Variants in ZFP91 observed in about 807,000 individuals in gnomAD.
ZFP91 encodes the protein ZFP91 zinc finger protein, atypical E3 ubiquitin ligase, also known as E3 ubiquitin-protein ligase ZFP91.
In ZFP91, 7 loss-of-function variants were observed where a neutral mutation model predicts 63.5. That is an observed-to-expected ratio of 0.11 (90% CI 0.06 to 0.21). The LOEUF is 0.21. ZFP91 is among the 10% of genes least tolerant of loss of function. The pLI, the probability that ZFP91 is intolerant of heterozygous loss-of-function variation, is 1.00. For missense variants in ZFP91, 628 were observed against 736.6 expected, an observed-to-expected ratio of 0.85 and a Z score of 1.71; for synonymous variants, 330 against 272.1, an observed-to-expected ratio of 1.21 and a Z score of -2.10.
At chr11:58,599,094 T>C (rs550052314) in intron 2 of ZFP91, among the ~76,000 whole-genome samples, 1 of 151,934 alleles carries the variant, frequency 6.6e-6, no homozygotes, top group Admixed American at 6.5e-5. Context: ...ATCTATCATA[T>C]AGCATATTTT....
chr11:58,591,866 A>G (rs956404980), intron 2 of ZFP91, among the ~76,000 whole-genome samples: 1 of 152,054 alleles, frequency 6.6e-6, no homozygotes, highest in African/African-American at 2.4e-5. Context: ...TGATCACCCC[A>G]GGGAATGGTG....
intron 1 of ZFP91, among the ~76,000 whole-genome samples, chr11:58,583,718 G>A (rs556440664): frequency 6.6e-6 from 1 of 152,042 alleles, no homozygotes; most frequent in Admixed American, 6.5e-5. Flanking sequence ...GTGTTAATTG[G>A]GACATTGGTA....
chr11:58,606,101 G>C (rs555931507), intron 2 of ZFP91, among the ~76,000 whole-genome samples: 1 of 151,658 alleles, frequency 6.6e-6, no homozygotes, highest in African/African-American at 2.4e-5. Flanking sequence ...CACTCTTGTC[G>C]CCTATGCTGG....
At chr11:58,610,531 A>G (rs1430906813) in intron 4 of ZFP91, among the ~76,000 whole-genome samples, 197 bp downstream of exon 4, 3 of 152,222 alleles carry the variant, frequency 2.0e-5, no homozygotes, top group Admixed American at 6.5e-5. Context: ...TAGCTTAGAA[A>G]TCATGTCTTG....
intron 2 of ZFP91, among the ~76,000 whole-genome samples, chr11:58,593,210 A>G (rs979029663): frequency 2.6e-5 from 4 of 152,144 alleles, no homozygotes; most frequent in Admixed American, 6.5e-5. Context: ...CACAGTTGCT[A>G]AGTTGGTGTG....
At chr11:58,612,154 GTATTCTTGGT>G in intron 6 of ZFP91, 114 bp from the exon 7 acceptor site, 1 of 921,316 alleles carries the variant, frequency 1.1e-6, no homozygotes, top group South Asian at 1.7e-5. Context: ...TTGACTTTAT[GTATTCTTGGT>G]TATCCTTTGC....
rs558457940 is a variant in ZFP91, at chr11:58,601,727, A to G, written c.371-8103A>G. On this transcript the variant is annotated intron_variant, in intron 2 of 10. Transcript: ENST00000316059. The stretch of plus-strand genomic sequence containing the variant: ...TTTGTTTTCATTTTCAGTCATCTCT[A>G]AGTATTTTGTAATTTTCCTTGTGAT... Among the ~76,000 whole-genome samples the G allele has an allele frequency of 1.4e-4, 22 of 151,790 alleles. No individual in the cohort carries two copies. The South Asian group carries it at 2.3e-3, about 16-fold the overall frequency.
chr11:58,596,379 G>A (rs1424869937), intron 2 of ZFP91, among the ~76,000 whole-genome samples: 1 of 151,906 alleles, frequency 6.6e-6, no homozygotes, highest in Non-Finnish European at 1.5e-5. Context: ...TTGCTTTTTC[G>A]TTTCTCTACA....
Position 58,611,750 on chromosome 11 carries a change from A to T in ZFP91, c.857+12A>T. On this transcript the variant is annotated intron_variant, in intron 6 of 10. Coordinates refer to ENST00000316059, the MANE Select transcript of ZFP91 (RefSeq NM_053023.5). ...GAACCTCCAAGGAAGTGAGTAGGCA[A>T]TTATTAAAAATGAAAATCTAACAGA... is the stretch of plus-strand genomic sequence containing the variant. 3.2e-6 allele frequency: 5 copies of T among 1,582,454 alleles called. No individual in the cohort carries two copies. Among genetic ancestry groups the T allele is most frequent in the Non-Finnish European group, 4.3e-6 (5 of 1,166,714 alleles).
At position 58,579,314 on chromosome 11, in the gene ZFP91, G is replaced by A. The variant is rs751116296; in HGVS notation, c.33G>A (p.Pro11=). Residue 11 remains proline (P), a synonymous_variant, in exon 1 of 11, where the codon CCG becomes CCA. Coordinates refer to ENST00000316059, the MANE Select transcript of ZFP91 (RefSeq NM_053023.5). The part of the protein sequence containing the change: MPGETEEPRP[P]EQQDQEGGEA... ...GGGAGACGGAAGAGCCGAGACCCCC[G>A]GAGCAGCAGGACCAGGAAGGGGGAG... 6.8e-5 allele frequency: 101 copies of A among 1,492,250 alleles called. No individual in the cohort carries two copies. The highest frequency in any genetic ancestry group is 4.5e-4 in the Middle Eastern group (2 of 4,410). 92.4% of individuals were successfully genotyped at this position (1,492,250 alleles called of 1,614,324 possible).
intron 2 of ZFP91, among the ~76,000 whole-genome samples, chr11:58,602,442 G>A (rs1490668926): frequency 6.6e-6 from 1 of 151,732 alleles, no homozygotes; most frequent in Non-Finnish European, 1.5e-5. Flanking sequence ...GATATATCTC[G>A]AGAGAGAGAT....
chr11:58,609,742 C>T (rs1220252566), intron 2 of ZFP91, 88 bp from the exon 3 acceptor site: 16 of 1,115,822 alleles, frequency 1.4e-5, no homozygotes, highest in African/African-American at 3.2e-5. Flanking sequence ...TTTAATTTAT[C>T]TTCAACTGTA....
At chr11:58,599,000 T>C (rs1214431534) in intron 2 of ZFP91, among the ~76,000 whole-genome samples, 2 of 152,066 alleles carry the variant, frequency 1.3e-5, no homozygotes, top group African/African-American at 4.8e-5. Flanking sequence ...TTAATCTGCT[T>C]TGTCTCTATG....
intron 2 of ZFP91, among the ~76,000 whole-genome samples, chr11:58,585,934 T>C (rs1349913736): frequency 6.6e-6 from 1 of 152,170 alleles, no homozygotes; most frequent in Non-Finnish European, 1.5e-5. Flanking sequence ...TTTCTCTGAA[T>C]TTTGGAATGT....
chr11:58,603,663 C>T (rs1855526395), intron 2 of ZFP91, among the ~76,000 whole-genome samples: 1 of 152,196 alleles, frequency 6.6e-6, no homozygotes, highest in South Asian at 2.1e-4. Flanking sequence ...GTGTATTAGA[C>T]TTCCTGGGGC....
chr11:58,611,003 T>C lies in ZFP91; in HGVS notation c.671T>C (p.Ile224Thr). ...EEEMLISEEE[I>T]PFKDDPRDET... ...GAGATGTTAATCAGTGAAGAGGAGA[T>C]ACCATTCAAAGATGATCCAAGAGAT... is the stretch of plus-strand genomic sequence containing the variant. The change falls in exon 5 of 11, where the codon ATA becomes ACA. Residue 224 changes from isoleucine (I) to threonine (T), a missense_variant. Physicochemically the swap from Ile to Thr is moderately conservative, Grantham distance 89. Transcript: ENST00000316059. 6.2e-7 allele frequency: 1 copy of C among 1,613,250 alleles called. No homozygotes were observed. Among genetic ancestry groups the C allele is most frequent in the Non-Finnish European group, 8.5e-7 (1 of 1,179,684 alleles).
intron 2 of ZFP91, among the ~76,000 whole-genome samples, chr11:58,602,463 G>GGA (rs1050601278): frequency 5.3e-5 from 8 of 151,486 alleles, no homozygotes; most frequent in African/African-American, 1.9e-4. Context: ...GGGGGGAGAG[G>GGA]GAGAGGGGGC....
Position 58,620,321 on chromosome 11 carries a change from T to G in ZFP91, c.*2615T>G, listed in dbSNP as rs1244904486. On this transcript the variant is annotated 3_prime_UTR_variant, in exon 11 of 11. Coordinates refer to ENST00000316059, the MANE Select transcript of ZFP91 (RefSeq NM_053023.5). ...TTCCCTTCTGCTCCATATGCCTCAT[T>G]GTCCTTCCAGGGAGCTCTTTTAATC... is the stretch of plus-strand genomic sequence containing the variant. The G allele has an allele frequency of 6.6e-6, 1 of 152,258 alleles. No homozygotes were observed. Among genetic ancestry groups the G allele is most frequent in the African/African-American group, 2.4e-5 (1 of 41,468 alleles). 9.4% of individuals were successfully genotyped at this position (152,258 alleles called of 1,614,324 possible). A position where few individuals can be genotyped will look rare whatever the true frequency, so the allele number is the denominator to read the frequency against.
intron 2 of ZFP91, among the ~76,000 whole-genome samples, chr11:58,589,389 C>T (rs190861861): frequency 4.6e-5 from 7 of 152,206 alleles, no homozygotes; most frequent in African/African-American, 1.4e-4. Context: ...GAAATATTCC[C>T]CTTTACCAAT....
Sources: allele counts gnomAD v4.1 joint callset (sites outside exome capture counted in the v4.1 genomes callset), GRCh38; gene constraint gnomAD v4.1.1; transcripts MANE v1.5; gene names NCBI Gene and HGNC (gene_info 2026-07-23, HGNC 2026-07-21).